Variants in TTC28 observed in about 807,000 individuals in gnomAD.
The protein encoded by TTC28 is tetratricopeptide repeat protein 28.
TTC28 carries 61 observed loss-of-function variants against 198.0 expected under a neutral mutation model. The ratio of observed to expected loss-of-function variants is 0.31; its 90% CI spans 0.25 to 0.38. The LOEUF is 0.38. TTC28 is among the 10% of genes least tolerant of loss of function. TTC28 has a pLI of 1.00. For synonymous variants in TTC28, 1,171 were observed against 1,297.8 expected, an observed-to-expected ratio of 0.90 and a Z score of 2.10; for missense variants, 2,678 against 3,164.0, an observed-to-expected ratio of 0.85 and a Z score of 3.69.
At chr22:28,672,382 G>C (rs1014222510) in intron 1 of TTC28, among the ~76,000 whole-genome samples, 19 of 152,050 alleles carry the variant, frequency 1.2e-4, no homozygotes, top group African/African-American at 4.6e-4. Flanking sequence ...TGGCCAGGCT[G>C]GTCTTGAACT....
In TTC28 at chr22:28,493,877, C is replaced by G. The variant is rs143139223; in HGVS notation, c.381+135675G>C. 1.7e-3 allele frequency among the ~76,000 whole-genome samples: 260 copies of G among 152,264 alleles called. 2 individuals are homozygous for G. Among genetic ancestry groups the G allele is most frequent in the African/African-American group, 6.1e-3 (253 of 41,560 alleles). ...TGAAACACCACATCATTGGTCCTGT[C>G]TCTTCAACAAGTAATTTGCGAAGGG... On this transcript the variant is annotated intron_variant, in intron 2 of 22. Transcript: ENST00000397906.
intron 2 of TTC28, among the ~76,000 whole-genome samples, chr22:28,520,325 A>G (rs574176319): frequency 3.8e-4 from 58 of 152,354 alleles, no homozygotes; most frequent in Admixed American, 7.2e-4. Context: ...TCTCATGTAC[A>G]CATCTTATGA....
intron 2 of TTC28, among the ~76,000 whole-genome samples, chr22:28,468,430 A>C (rs180714924): frequency 1.3e-5 from 2 of 152,216 alleles, no homozygotes; most frequent in East Asian, 3.9e-4. Context: ...CTCATTCTCT[A>C]TGTCTCCTCT....
At chr22:28,200,168 A>T (rs1363258005) in intron 5 of TTC28, among the ~76,000 whole-genome samples, 2 of 152,170 alleles carry the variant, frequency 1.3e-5, no homozygotes, top group Non-Finnish European at 2.9e-5. Context: ...AGCGTACTAC[A>T]GACTTGAATT....
At chr22:28,290,195 A>G (rs1389717544) in intron 5 of TTC28, among the ~76,000 whole-genome samples, 3 of 152,296 alleles carry the variant, frequency 2.0e-5, no homozygotes, top group African/African-American at 2.4e-5. Flanking sequence ...TAGCATTTAC[A>G]GTATTAATTT....
chr22:28,622,480 G>GA lies in TTC28; in HGVS notation c.381+7071dup, dbSNP rs1010888665. 1.7e-3 allele frequency among the ~76,000 whole-genome samples: 238 copies of GA among 140,318 alleles called. 1 individual carries two copies. The highest frequency in any genetic ancestry group is 2.7e-3 in the Non-Finnish European group (176 of 64,294). The allele number at this position is 140,318 out of a possible 152,430, so 92.1% of individuals were successfully genotyped here. A position where few individuals can be genotyped will look rare whatever the true frequency, so the allele number is the denominator to read the frequency against. On this transcript the variant is annotated intron_variant, in intron 2 of 22. Transcript: ENST00000397906. Reference sequence around the variant, plus strand: ...TCAACAATTGAAAACTTTCTCAAAAGAAAAAAAAAATCAACTCTAGAAAGT... The same window carrying GA: ...TCAACAATTGAAAACTTTCTCAAAAGAAAAAAAAAAATCAACTCTAGAAAGT...
At chr22:28,563,975 T>G (rs918004295) in intron 2 of TTC28, among the ~76,000 whole-genome samples, 1 of 152,200 alleles carries the variant, frequency 6.6e-6, no homozygotes, top group African/African-American at 2.4e-5. Context: ...AAAAGGAATG[T>G]AGTACACTAT....
intron 5 of TTC28, among the ~76,000 whole-genome samples, chr22:28,224,445 C>T (rs1426896415): frequency 1.3e-5 from 2 of 152,152 alleles, no homozygotes; most frequent in African/African-American, 2.4e-5. Flanking sequence ...CCACCCTTCC[C>T]TTCATGGCTC....
At position 28,526,032 on chromosome 22, in the gene TTC28, T is replaced by C. The variant is rs555247233; in HGVS notation, c.381+103520A>G. ...TCTAATGAACAAGTCAAAACAATTATAGTAATGCTATCAACAAAGTTGTGC... is the reference window on the plus strand; with the variant it reads ...TCTAATGAACAAGTCAAAACAATTACAGTAATGCTATCAACAAAGTTGTGC... On this transcript the variant is annotated intron_variant, in intron 2 of 22. Coordinates refer to ENST00000397906, the MANE Select transcript of TTC28 (RefSeq NM_001145418.2). Among the ~76,000 whole-genome samples the C allele has an allele frequency of 5.9e-5, 9 of 152,350 alleles. No individual in the cohort carries two copies. In the South Asian group the frequency reaches 1.4e-3, roughly 25 times the overall value.
rs148044092 is a variant in TTC28 at position 28,054,987 on chromosome 22, T to C, written c.3933-24621A>G. Among the ~76,000 whole-genome samples, 183 of 152,344 alleles carry C rather than the reference T, an allele frequency of 1.2e-3. 1 individual carries two copies. In the Middle Eastern group the frequency reaches 0.014, roughly 11 times the overall value. On this transcript the variant is annotated intron_variant, in intron 12 of 22. Transcript: ENST00000397906. Reference sequence around the variant, plus strand: ...CCTGTCTTTGAGTCCAGTGTGTTTCTGGAGCCACACCCTGCAGCAGATCAG... The same window carrying C: ...CCTGTCTTTGAGTCCAGTGTGTTTCCGGAGCCACACCCTGCAGCAGATCAG...
At chr22:28,609,532 G>A (rs899009774) in intron 2 of TTC28, among the ~76,000 whole-genome samples, 3 of 152,188 alleles carry the variant, frequency 2.0e-5, no homozygotes, top group African/African-American at 7.2e-5. Context: ...TGTGAACAGT[G>A]GACTCCGGCC....
intron 12 of TTC28, among the ~76,000 whole-genome samples, chr22:28,061,974 G>C (rs1940560352): frequency 6.6e-6 from 1 of 152,108 alleles, no homozygotes; most frequent in Non-Finnish European, 1.5e-5. Context: ...TATTCTCTTT[G>C]AAGCAATTGT....
At chr22:28,092,861 G>A (rs1941855005) in intron 12 of TTC28, among the ~76,000 whole-genome samples, 1 of 152,202 alleles carries the variant, frequency 6.6e-6, no homozygotes, top group South Asian at 2.1e-4. Flanking sequence ...GGATAAATAA[G>A]AGAAGCACGT....
Position 28,341,909 on chromosome 22 carries a change from T to C in TTC28, c.382-35266A>G, listed in dbSNP as rs765468666. Among the ~76,000 whole-genome samples, 65 of 151,548 alleles carry C rather than the reference T, an allele frequency of 4.3e-4. 1 individual carries two copies. The highest frequency in any genetic ancestry group is 7.5e-4 in the Non-Finnish European group (51 of 67,878). Reference sequence around the variant, plus strand: ...TGGGAAGATGGCTCGGGCCCAGGAGTTCAAGGTTACAGTGAGCTATGATCA... The same window carrying C: ...TGGGAAGATGGCTCGGGCCCAGGAGCTCAAGGTTACAGTGAGCTATGATCA... On this transcript the variant is annotated intron_variant, in intron 2 of 22. Coordinates refer to ENST00000397906, the MANE Select transcript of TTC28 (RefSeq NM_001145418.2).
At chr22:28,504,417 T>C (rs1469986664) in intron 2 of TTC28, among the ~76,000 whole-genome samples, 2 of 152,144 alleles carry the variant, frequency 1.3e-5, no homozygotes, top group African/African-American at 4.8e-5. Context: ...CATATACACA[T>C]ATATACATAC....
intron 5 of TTC28, 48 bp from the exon 6 acceptor site, chr22:28,163,647 T>G (rs906208948): frequency 6.8e-7 from 1 of 1,462,536 alleles, no homozygotes; most frequent in Non-Finnish European, 9.0e-7. Flanking sequence ...ATCAGAATGG[T>G]TTTGGTATAT....
intron 5 of TTC28, among the ~76,000 whole-genome samples, chr22:28,205,016 C>T (rs548345353): frequency 1.3e-5 from 2 of 152,130 alleles, no homozygotes; most frequent in African/African-American, 4.8e-5. Context: ...AGGTAAAATA[C>T]GATCTTAGCA....
chr22:28,568,044 G>A (rs73170603), intron 2 of TTC28, among the ~76,000 whole-genome samples: 16,008 of 152,040 alleles, frequency 0.11, 1,142 homozygotes, highest in Non-Finnish European at 0.16. Context: ...ATTAATTCAG[G>A]GGAAAACAAG....
chr22:28,086,519 T>A (rs1397381403), intron 12 of TTC28, among the ~76,000 whole-genome samples: 1 of 152,110 alleles, frequency 6.6e-6, no homozygotes, highest in Non-Finnish European at 1.5e-5. Flanking sequence ...AAGCAGTGTG[T>A]AGAGGGACAT....
Sources: gnomAD v4.1 joint callset for allele counts (sites outside exome capture counted in the v4.1 genomes callset) on GRCh38, gnomAD v4.1.1 for gene constraint, MANE v1.5 for transcripts, NCBI Gene and HGNC (gene_info 2026-07-23, HGNC 2026-07-21) for gene names.